FRY: variants seen among roughly 807,000 people sequenced by gnomAD.
FRY encodes the protein FRY microtubule binding protein.
A neutral mutation model predicts 348.4 loss-of-function variants in FRY; 128 were observed. The ratio of observed to expected loss-of-function variants is 0.37; its 90% CI spans 0.32 to 0.43. The LOEUF (loss-of-function observed/expected upper bound fraction) is 0.43. Among genes scored for constraint, FRY ranks in the 20% least tolerant of loss-of-function variants. The pLI is 1.00. For missense variants in FRY, 2,736 were observed against 3,695.2 expected (o/e 0.74, Z 6.73); for synonymous variants, 1,370 against 1,374.7 (o/e 1.00, Z 0.08).
chr13:32,141,481 T>C (rs962533855), intron 11 of FRY, among the ~76,000 whole-genome samples: 2 of 152,228 alleles, frequency 1.3e-5, no homozygotes, highest in Non-Finnish European at 2.9e-5. Context: ...AGTAGATGAC[T>C]AAAATTATCT....
intron 50 of FRY, among the ~76,000 whole-genome samples, chr13:32,252,583 C>A (rs909817858): frequency 6.6e-6 from 1 of 151,840 alleles, no homozygotes; most frequent in African/African-American, 2.4e-5. Flanking sequence ...CTAGTTTCAC[C>A]AGGTATTTTT....
chr13:32,143,386 A>G (rs1880204131), intron 11 of FRY, among the ~76,000 whole-genome samples: 3 of 152,234 alleles, frequency 2.0e-5, no homozygotes, highest in Admixed American at 2.0e-4. Context: ...TAAGTTTGCT[A>G]CTTTGCTTTT....
chr13:32,234,212 A>T (rs1408852689), intron 41 of FRY, among the ~76,000 whole-genome samples: 1 of 150,770 alleles, frequency 6.6e-6, no homozygotes, highest in Non-Finnish European at 1.5e-5. Flanking sequence ...ACTTGAGCCC[A>T]GGAGTTCAAG....
intron 2 of FRY, among the ~76,000 whole-genome samples, chr13:32,081,588 G>T (rs899539342): frequency 2.0e-5 from 3 of 152,200 alleles, no homozygotes; most frequent in Admixed American, 6.5e-5. Flanking sequence ...GCCTCCCAAA[G>T]TGCTGGGATT....
rs1394125815 is a variant in FRY at position 32,185,097 on chromosome 13, A to G, written c.3268A>G (p.Ile1090Val). The part of the protein sequence containing the change: ...NDKEVEILKD[I>V]RAHFSAMVAN... The stretch of plus-strand genomic sequence containing the variant: ...CAAAGAAGTTGAAATTCTTAAAGAT[A>G]TCCGGGCACATTTTAGTGCAATGGT... The change falls in exon 26 of 61, where the codon ATC (isoleucine) becomes GTC (valine). Residue 1090 changes from isoleucine (I) to valine (V), a missense_variant. This residue lies in a region of FRY where 449 missense variants were observed against 576.9 expected (regional missense o/e 0.78). Transcript: ENST00000542859. The G allele has an allele frequency of 1.2e-6, 2 of 1,613,980 alleles. No homozygotes were observed. Among genetic ancestry groups the G allele is most frequent in the Non-Finnish European group, 1.7e-6 (2 of 1,179,942 alleles).
chr13:32,209,872 A>G lies in FRY; in HGVS notation c.4422+141A>G, dbSNP rs3803280. 0.018 allele frequency: 15,279 copies of G among 859,414 alleles called. 902 individuals carry two copies. Among genetic ancestry groups the G allele is most frequent in the African/African-American group, 0.16 (9,535 of 60,184 alleles). The allele number at this position is 859,414 out of a possible 1,614,324, so 53.2% of individuals were successfully genotyped here. A position where few individuals can be genotyped will look rare whatever the true frequency, so the allele number is the denominator to read the frequency against. ...ATGAATCTCCTGTGAGCTCATCCAG[A>G]TATTACATAAAAGTTCCCTTCTGCC... On this transcript the variant is annotated intron_variant, in intron 33 of 60. Transcript: ENST00000542859.
intron 1 of FRY, among the ~76,000 whole-genome samples, chr13:32,048,901 C>T (rs1465621421): frequency 6.6e-6 from 1 of 152,168 alleles, no homozygotes; most frequent in Non-Finnish European, 1.5e-5. Flanking sequence ...ATAAACAGTC[C>T]TCCCTTTCCC....
intron 34 of FRY, 45 bp downstream of exon 34, chr13:32,211,079 G>T: frequency 6.4e-7 from 1 of 1,565,280 alleles, no homozygotes; most frequent in Non-Finnish European, 8.8e-7. Flanking sequence ...GATCCCTGGG[G>T]TTTCCTTCAT....
At chr13:32,194,797 A>T (rs1216049182) in intron 29 of FRY, among the ~76,000 whole-genome samples, 3 of 152,196 alleles carry the variant, frequency 2.0e-5, no homozygotes, top group African/African-American at 7.2e-5. Context: ...TTGTTATATA[A>T]ATTAGTTATT....
chr13:32,110,763 T>G (rs959401102), intron 3 of FRY, among the ~76,000 whole-genome samples: 2 of 152,194 alleles, frequency 1.3e-5, no homozygotes. Context: ...AAAAATTGTA[T>G]GCTGTACAAT....
At chr13:32,200,987 A>T (rs2138322757) in intron 29 of FRY, among the ~76,000 whole-genome samples, 1 of 152,230 alleles carries the variant, frequency 6.6e-6, no homozygotes, top group South Asian at 2.1e-4. Flanking sequence ...AGCCAGAGTG[A>T]TTCTTCAAAA....
chr13:32,285,964 G>T (rs1889023611), intron 58 of FRY, among the ~76,000 whole-genome samples: 1 of 151,890 alleles, frequency 6.6e-6, no homozygotes, highest in Non-Finnish European at 1.5e-5. Flanking sequence ...AGGCTTACAG[G>T]TGTTTGTCTT....
intron 2 of FRY, among the ~76,000 whole-genome samples, chr13:32,081,020 A>C (rs9989127): frequency 0.13 from 19,036 of 152,140 alleles, 2,729 homozygotes; most frequent in African/African-American, 0.35. Flanking sequence ...TGGATTTAAC[A>C]TTTTCCCTCT....
At chr13:32,116,841 A>G (rs1454899642) in intron 3 of FRY, among the ~76,000 whole-genome samples, 2 of 152,176 alleles carry the variant, frequency 1.3e-5, no homozygotes, top group Non-Finnish European at 2.9e-5. Flanking sequence ...AATTTGGGGC[A>G]TACTTCAAAT....
intron 4 of FRY, among the ~76,000 whole-genome samples, chr13:32,120,715 G>A (rs1878598421): frequency 6.6e-6 from 1 of 152,218 alleles, no homozygotes; most frequent in Non-Finnish European, 1.5e-5. Context: ...AGGCTGGAGT[G>A]CAATGGCATG....
chr13:32,193,335 T>G (rs1883465446), intron 28 of FRY, among the ~76,000 whole-genome samples: 1 of 151,944 alleles, frequency 6.6e-6, no homozygotes, highest in Admixed American at 6.6e-5. Context: ...CTTAAGAGAC[T>G]TTGTAGTAGG....
At chr13:32,095,855 G>C (rs1159844300) in intron 2 of FRY, among the ~76,000 whole-genome samples, 3 of 152,076 alleles carry the variant, frequency 2.0e-5, no homozygotes, top group African/African-American at 7.2e-5. Context: ...TCTTTCCCTT[G>C]TATTCAGATG....
chr13:32,054,398 A>G (rs1428210678), intron 1 of FRY, among the ~76,000 whole-genome samples: 3 of 148,934 alleles, frequency 2.0e-5, no homozygotes, highest in Non-Finnish European at 4.5e-5. Flanking sequence ...TCTGCATTCA[A>G]TTTGCTAGGA....
intron 1 of FRY, among the ~76,000 whole-genome samples, chr13:32,057,837 GTAGTCCCAGC>G (rs1159329615): frequency 6.6e-6 from 1 of 152,156 alleles, no homozygotes; most frequent in African/African-American, 2.4e-5. Context: ...GCGGGCACCT[GTAGTCCCAGC>G]TACTCGGGAG....
Sources: gnomAD v4.1 joint callset for allele counts (sites outside exome capture counted in the v4.1 genomes callset) on GRCh38, gnomAD v4.1.1 for gene constraint, gnomAD v4.1.1 regional missense constraint, MANE v1.5 for transcripts, NCBI Gene and HGNC (gene_info 2026-07-23, HGNC 2026-07-21) for gene names.